The following TEAD1 variants were observed in gnomAD, a reference collection of about 807,000 sequenced individuals.
The protein encoded by TEAD1 is TEA domain transcription factor 1.
TEAD1 carries 9 observed loss-of-function variants against 54.9 expected under a neutral mutation model. The observed-to-expected ratio is 0.16, with a 90% CI of 0.10 to 0.29. The LOEUF (loss-of-function observed/expected upper bound fraction) is 0.29. TEAD1 is among the 10% of genes least tolerant of loss of function. The pLI is 1.00. For missense variants in TEAD1, 387 were observed against 535.9 expected (o/e 0.72, Z 2.74); for synonymous variants, 200 against 187.8 (o/e 1.07, Z -0.53).
In TEAD1 at chr11:12,752,270, A is replaced by T. The variant is rs887985919; in HGVS notation, c.-54-11909A>T. On this transcript the variant is annotated intron_variant, in intron 2 of 12. Transcript: ENST00000527636. The stretch of plus-strand genomic sequence containing the variant: ...TTTTTTTTAAAATAATTTTTATTGA[A>T]GTCCAACTTACATACAGAAAAGGGC... Among the ~76,000 whole-genome samples, 5 of 135,966 alleles carry T rather than the reference A, an allele frequency of 3.7e-5. No homozygotes were observed. The Admixed American group carries it at 3.8e-4, about 10-fold the overall frequency. The allele number at this position is 135,966 out of a possible 152,430, so 89.2% of individuals were successfully genotyped here.
At chr11:12,920,250 C>T (rs1384304575) in intron 10 of TEAD1, among the ~76,000 whole-genome samples, 1 of 152,158 alleles carries the variant, frequency 6.6e-6, no homozygotes, top group African/African-American at 2.4e-5. Context: ...AGCATGGAAC[C>T]TCGTACAGAC....
chr11:12,937,111 G>T lies in TEAD1; in HGVS notation c.1170G>T (p.Val390=), dbSNP rs749002309. ...ATACTTTTTTTTTATCTTAACAGGT[G>T]GTAACAAACAGGGATACACAAGAAA... Residue 390 remains valine (V), a splice_region_variant and synonymous_variant, in exon 13 of 13, where the codon GTG becomes GTT. Transcript: ENST00000527636. The T allele has an allele frequency of 3.1e-6, 5 of 1,610,012 alleles. No homozygotes were observed. In the South Asian group the frequency reaches 4.4e-5, roughly 14 times the overall value.
chr11:12,914,947 T>C (rs548401100), intron 10 of TEAD1, among the ~76,000 whole-genome samples: 9 of 152,262 alleles, frequency 5.9e-5, no homozygotes, highest in Admixed American at 1.3e-4. Context: ...AAATCTTGGT[T>C]CTTTGATCAT....
At chr11:12,679,165 C>G (rs73421934) in intron 2 of TEAD1, among the ~76,000 whole-genome samples, 504 of 152,142 alleles carry the variant, frequency 3.3e-3, no homozygotes, top group African/African-American at 0.011. Context: ...GGAAGGTCCT[C>G]GTAAAAACCT....
chr11:12,886,213 A>T (rs1188225873), intron 9 of TEAD1, among the ~76,000 whole-genome samples: 5 of 152,212 alleles, frequency 3.3e-5, no homozygotes, highest in Non-Finnish European at 4.4e-5. Flanking sequence ...AGGCCCACTA[A>T]GTTGCTAGAG....
At chr11:12,831,056 C>G (rs903785948) in intron 3 of TEAD1, among the ~76,000 whole-genome samples, 1 of 152,188 alleles carries the variant, frequency 6.6e-6, no homozygotes, top group Non-Finnish European at 1.5e-5. Context: ...CTAGTTCCAG[C>G]CGTTCAGTTC....
intron 3 of TEAD1, among the ~76,000 whole-genome samples, chr11:12,830,331 G>A (rs1443916863): frequency 6.6e-6 from 1 of 152,124 alleles, no homozygotes; most frequent in East Asian, 1.9e-4. Flanking sequence ...GATGAGCAAG[G>A]GGCCCAGAAG....
chr11:12,681,873 A>T (rs1943230526), intron 2 of TEAD1, among the ~76,000 whole-genome samples: 1 of 152,224 alleles, frequency 6.6e-6, no homozygotes, highest in Admixed American at 6.5e-5. Flanking sequence ...TTACATGGCT[A>T]ACTCAGGATG....
chr11:12,728,619 G>A (rs1343763115), intron 2 of TEAD1, among the ~76,000 whole-genome samples: 1 of 152,130 alleles, frequency 6.6e-6, no homozygotes, highest in Non-Finnish European at 1.5e-5. Context: ...TTGTAATAGC[G>A]GCAGATAAAT....
intron 3 of TEAD1, among the ~76,000 whole-genome samples, chr11:12,837,113 TTAAC>T (rs1430181335): frequency 6.6e-6 from 1 of 152,198 alleles, no homozygotes; most frequent in Non-Finnish European, 1.5e-5. Context: ...TATCTTGAAA[TTAAC>T]TACTTATAAT....
intron 3 of TEAD1, among the ~76,000 whole-genome samples, chr11:12,785,417 C>T (rs1443770962): frequency 1.3e-5 from 2 of 152,162 alleles, no homozygotes; most frequent in Non-Finnish European, 2.9e-5. Flanking sequence ...TTCCAGGGCA[C>T]AGAGGTTGTT....
intron 5 of TEAD1, among the ~76,000 whole-genome samples, chr11:12,866,275 T>A (rs554316791): frequency 6.6e-6 from 1 of 152,366 alleles, no homozygotes; most frequent in East Asian, 1.9e-4. Flanking sequence ...GAATTAATGA[T>A]GTACAAAGAA....
intron 2 of TEAD1, among the ~76,000 whole-genome samples, chr11:12,711,898 G>A (rs1020091145): frequency 6.6e-6 from 1 of 152,164 alleles, no homozygotes; most frequent in Non-Finnish European, 1.5e-5. Context: ...TGGTTAGGCT[G>A]TATCAAGCTT....
At chr11:12,740,436 G>GTC in intron 2 of TEAD1, among the ~76,000 whole-genome samples, 1 of 152,296 alleles carries the variant, frequency 6.6e-6, no homozygotes, top group Middle Eastern at 3.4e-3. Context: ...GTGTGTATGT[G>GTC]AAAATTGTCA....
intron 3 of TEAD1, among the ~76,000 whole-genome samples, chr11:12,775,971 GC>G (rs11337081): frequency 0.026 from 3,924 of 152,018 alleles, 162 homozygotes; most frequent in African/African-American, 0.091. Flanking sequence ...TTTACTGGCG[GC>G]GGGGGGTTCA....
At chr11:12,888,398 A>G (rs1948134119) in intron 9 of TEAD1, among the ~76,000 whole-genome samples, 1 of 152,176 alleles carries the variant, frequency 6.6e-6, no homozygotes, top group African/African-American at 2.4e-5. Context: ...AATCTCAGCT[A>G]CTCGGGAGAC....
At chr11:12,932,837 G>A (rs754327219) in intron 12 of TEAD1, among the ~76,000 whole-genome samples, 2 of 152,162 alleles carry the variant, frequency 1.3e-5, no homozygotes, top group Non-Finnish European at 2.9e-5. Context: ...TTTCAGGCCT[G>A]TAAGCTCCAC....
In TEAD1 at chr11:12,920,153, C is replaced by T. The variant is rs554604376; in HGVS notation, c.874-4759C>T. ...TGGTTATTGTTGAAAGTCATTTTGTCAAATAAAGGAAGGCGGTCTTAAAAA... is the reference window on the plus strand; with the variant it reads ...TGGTTATTGTTGAAAGTCATTTTGTTAAATAAAGGAAGGCGGTCTTAAAAA... On this transcript the variant is annotated intron_variant, in intron 10 of 12. Coordinates refer to ENST00000527636, the MANE Select transcript of TEAD1 (RefSeq NM_021961.6). Among the ~76,000 whole-genome samples, 5 of 152,224 alleles carry T rather than the reference C, an allele frequency of 3.3e-5. No individual in the cohort carries two copies. The South Asian group carries it at 1.0e-3, about 32-fold the overall frequency.
At chr11:12,735,839 C>G (rs1264915389) in intron 2 of TEAD1, among the ~76,000 whole-genome samples, 3 of 152,198 alleles carry the variant, frequency 2.0e-5, no homozygotes, top group African/African-American at 7.2e-5. Context: ...TTCTTCATCT[C>G]TCCATCACAG....
Sources: allele counts gnomAD v4.1 joint callset (sites outside exome capture counted in the v4.1 genomes callset), GRCh38; gene constraint gnomAD v4.1.1; transcripts MANE v1.5; gene names NCBI Gene and HGNC (gene_info 2026-07-23, HGNC 2026-07-21).